Variants in TRPM7 observed in about 807,000 individuals in gnomAD.
TRPM7 encodes the protein transient receptor potential cation channel subfamily M member 7.
A neutral mutation model predicts 229.7 loss-of-function variants in TRPM7; 134 were observed. That is an observed-to-expected ratio of 0.58 (90% CI 0.51 to 0.67). The LOEUF (loss-of-function observed/expected upper bound fraction) is 0.67. TRPM7 is among the 30% of genes least tolerant of loss of function. The pLI is 0.00. For missense variants in TRPM7, 1,901 were observed against 2,210.0 expected, an observed-to-expected ratio of 0.86 and a Z score of 2.80; for synonymous variants, 699 against 715.2, an observed-to-expected ratio of 0.98 and a Z score of 0.36.
chr15:50,570,033 G>A (rs2141472056), intron 37 of TRPM7, 40 bp from the exon 38 acceptor site: 2 of 1,581,652 alleles, frequency 1.3e-6, no homozygotes, highest in Non-Finnish European at 1.7e-6. Context: ...ACAAAAAAAA[G>A]GGGGCAGTTT....
intron 27 of TRPM7, among the ~76,000 whole-genome samples, chr15:50,589,044 G>A (rs971225498): frequency 6.6e-6 from 1 of 152,038 alleles, no homozygotes; most frequent in African/African-American, 2.4e-5. Flanking sequence ...AATGTAGGCC[G>A]GGCACAGTGG....
chr15:50,569,590 C>G (rs967253612), intron 38 of TRPM7, among the ~76,000 whole-genome samples: 2 of 152,080 alleles, frequency 1.3e-5, no homozygotes. Context: ...CAACATGAGG[C>G]TAAACTCCAT....
chr15:50,594,964 G>C (rs1380806199), intron 23 of TRPM7, among the ~76,000 whole-genome samples: 1 of 152,162 alleles, frequency 6.6e-6, no homozygotes, highest in African/African-American at 2.4e-5. Context: ...CACTTTGGAA[G>C]GCCAAGAGGC....
chr15:50,656,689 T>C (rs529290443), intron 3 of TRPM7, among the ~76,000 whole-genome samples: 2 of 152,148 alleles, frequency 1.3e-5, no homozygotes, highest in South Asian at 4.1e-4. Flanking sequence ...CTCTTCAATA[T>C]ATCTAAAATA....
chr15:50,592,781 A>G (rs917596406), intron 25 of TRPM7, among the ~76,000 whole-genome samples, 155 bp from the exon 26 acceptor site: 2 of 152,206 alleles, frequency 1.3e-5, no homozygotes, highest in Non-Finnish European at 2.9e-5. Context: ...TACAAGGCCT[A>G]CCTTATGTTT....
intron 28 of TRPM7, among the ~76,000 whole-genome samples, chr15:50,584,930 C>A (rs369402435): frequency 1.3e-5 from 2 of 152,074 alleles, no homozygotes; most frequent in South Asian, 4.1e-4. Flanking sequence ...GGCTGGAGTG[C>A]AGTCGCGCTA....
intron 12 of TRPM7, among the ~76,000 whole-genome samples, chr15:50,621,040 T>A (rs1475688037): frequency 6.6e-6 from 1 of 150,798 alleles, no homozygotes; most frequent in African/African-American, 2.4e-5. Context: ...GCGCCTGTAG[T>A]CCCAGCTACT....
chr15:50,621,526 C>CT (rs1227490273), intron 12 of TRPM7, among the ~76,000 whole-genome samples: 7 of 152,138 alleles, frequency 4.6e-5, no homozygotes, highest in Non-Finnish European at 1.0e-4. Context: ...AAGATCAAGA[C>CT]TTTTTTCCTA....
chr15:50,639,674 C>T, intron 5 of TRPM7, 126 bp from the exon 6 acceptor site: 1 of 739,902 alleles, frequency 1.4e-6, no homozygotes, highest in Non-Finnish European at 2.0e-6. Flanking sequence ...TCAAGCGATC[C>T]TCCCTTGTGA....
chr15:50,600,905 G>A (rs1207059029), intron 21 of TRPM7, among the ~76,000 whole-genome samples: 5 of 152,190 alleles, frequency 3.3e-5, no homozygotes, highest in Admixed American at 3.3e-4. Flanking sequence ...GCAACTTGCA[G>A]AGGCCTAACA....
At chr15:50,673,893 T>G (rs896563099) in intron 1 of TRPM7, among the ~76,000 whole-genome samples, 2 of 152,208 alleles carry the variant, frequency 1.3e-5, no homozygotes, top group African/African-American at 4.8e-5. Context: ...TGTAGAAGTG[T>G]TCCCTGTTTA....
In TRPM7 at chr15:50,561,744, C is replaced by A; in HGVS notation, c.5532G>T (p.Leu1844Phe). ...IIFPQDEPSD[L>F]NLQPGNSTKE... Reference sequence around the variant, plus strand: ...TGGTGGAATTTCCAGGCTGAAGATTCAAATCTGAAGGCTCATCCTGAGGAA... The same window carrying A: ...TGGTGGAATTTCCAGGCTGAAGATTAAAATCTGAAGGCTCATCCTGAGGAA... The change falls in exon 39 of 39, where the codon TTG becomes TTT. Residue 1844 changes from leucine to phenylalanine, a missense_variant. Physicochemically the swap from Leu to Phe is conservative, Grantham distance 22. Coordinates refer to ENST00000646667, the MANE Select transcript of TRPM7 (RefSeq NM_017672.6). The A allele has an allele frequency of 6.2e-7, 1 of 1,612,734 alleles. No individual in the cohort carries two copies. Among genetic ancestry groups the A allele is most frequent in the South Asian group, 1.1e-5 (1 of 90,976 alleles).
intron 28 of TRPM7, among the ~76,000 whole-genome samples, chr15:50,584,964 C>G (rs1393657347): frequency 6.6e-6 from 1 of 151,838 alleles, no homozygotes; most frequent in African/African-American, 2.4e-5. Context: ...CAACCTCCAT[C>G]TCCTGGGTTC....
chr15:50,658,005 A>AT (rs529961423), intron 2 of TRPM7, among the ~76,000 whole-genome samples, 186 bp from the exon 3 acceptor site: 24,681 of 139,278 alleles, frequency 0.18, 2,903 homozygotes, highest in East Asian at 0.46. Flanking sequence ...GACAGTCTCA[A>AT]TTTTTTTTTT....
intron 5 of TRPM7, among the ~76,000 whole-genome samples, chr15:50,641,848 A>T (rs1053510021): frequency 8.7e-4 from 133 of 152,146 alleles, no homozygotes; most frequent in African/African-American, 3.1e-3. Flanking sequence ...AAAAATACAA[A>T]ACTTAGCCAC....
At chr15:50,619,441 T>G (rs1388277393) in intron 13 of TRPM7, among the ~76,000 whole-genome samples, 1 of 149,970 alleles carries the variant, frequency 6.7e-6, no homozygotes, top group Non-Finnish European at 1.5e-5. Flanking sequence ...AGGCTGGTCT[T>G]GAACTCCTGG....
chr15:50,576,792 C>T (rs758148405), intron 31 of TRPM7, among the ~76,000 whole-genome samples: 1 of 152,118 alleles, frequency 6.6e-6, no homozygotes, highest in African/African-American at 2.4e-5. Context: ...GGTGAAGCTA[C>T]AGAAACAGGG....
chr15:50,652,328 C>CAAAAAAAAAAAAAAAAAAAA (rs34122648), intron 3 of TRPM7, among the ~76,000 whole-genome samples: 4 of 34,228 alleles, frequency 1.2e-4, no homozygotes, highest in African/African-American at 2.9e-4. Flanking sequence ...GACTCCATCT[C>CAAAAAAAAAAAAAAAAAAAA]AAAAAAAAAA....
intron 1 of TRPM7, among the ~76,000 whole-genome samples, chr15:50,677,576 T>TA (rs780693025): frequency 3.3e-4 from 50 of 151,000 alleles, no homozygotes; most frequent in Non-Finnish European, 5.8e-4. Flanking sequence ...CCATCCCTAC[T>TA]AAAAACACAA....
Sources: allele counts gnomAD v4.1 joint callset (sites outside exome capture counted in the v4.1 genomes callset), GRCh38; gene constraint gnomAD v4.1.1; transcripts MANE v1.5; gene names NCBI Gene and HGNC (gene_info 2026-07-23, HGNC 2026-07-21).